The following ZFHX3 variants were observed in gnomAD, a reference collection of about 807,000 sequenced individuals.
The protein encoded by ZFHX3 is zinc finger homeobox 3.
A neutral mutation model predicts 279.1 loss-of-function variants in ZFHX3; 42 were observed. The observed-to-expected ratio is 0.15, with a 90% CI of 0.12 to 0.19. The LOEUF is 0.19. Ranked by LOEUF, ZFHX3 falls within the 10% of genes least tolerant of loss-of-function variation. The probability of loss-of-function intolerance (pLI) is 1.00; values close to 1 mark genes in which losing one functional copy is unlikely to be tolerated. For missense variants in ZFHX3, 4,981 were observed against 4,754.0 expected (o/e 1.05, Z -1.40); for synonymous variants, 2,293 against 1,957.8 (o/e 1.17, Z -4.52).
chr16:73,509,798 C>G (rs1941257160), intron 2 of ZFHX3, among the ~76,000 whole-genome samples: 1 of 151,094 alleles, frequency 6.6e-6, no homozygotes, highest in South Asian at 2.1e-4. Flanking sequence ...GGGGTTCAAG[C>G]AATTCTCCTG....
intron 5 of ZFHX3, among the ~76,000 whole-genome samples, chr16:72,827,020 A>G (rs763407137): frequency 1.3e-5 from 2 of 152,232 alleles, no homozygotes; most frequent in Non-Finnish European, 2.9e-5. Flanking sequence ...TTAGAGAGGC[A>G]CATATAGAGT....
In ZFHX3 at chr16:73,881,485, C is replaced by CCA. The variant is rs1567438931; in HGVS notation, c.-1608+10165_-1608+10166insTG. Among the ~76,000 whole-genome samples the CCA allele has an allele frequency of 1.3e-4, 10 of 78,384 alleles. 1 individual carries two copies. The highest frequency in any genetic ancestry group is 3.5e-4 in the Non-Finnish European group (10 of 28,522). The allele number at this position is 78,384 out of a possible 152,430, so 51.4% of individuals were successfully genotyped here. On this transcript the variant is annotated intron_variant, in intron 1 of 17. Transcript: ENST00000641206. ...CTCTCTCTCTCTCTCTCTCTGCCCC[C>CCA]CCCCCCCACTCTGCCCATGGTTACT...
intron 7 of ZFHX3, chr16:72,807,931 T>A (rs1410278409): frequency 6.6e-6 from 1 of 152,210 alleles, no homozygotes; most frequent in Non-Finnish European, 1.5e-5. Context: ...TCCTGGAGCA[T>A]GAATGACCGT....
At chr16:73,369,891 G>A (rs937957710) in intron 3 of ZFHX3, among the ~76,000 whole-genome samples, 16 of 151,758 alleles carry the variant, frequency 1.1e-4, no homozygotes, top group Non-Finnish European at 1.8e-4. Context: ...AAGCATATTC[G>A]AAGAGCCAAT....
Position 72,959,175 on chromosome 16 carries a change from G to A in ZFHX3, c.971C>T (p.Ala324Val), listed in dbSNP as rs1961430700. 1 of 1,614,118 alleles carries A rather than the reference G, an allele frequency of 6.2e-7. No homozygotes were observed. The highest frequency in any genetic ancestry group is 1.7e-5 in the Admixed American group (1 of 60,012). Residue 324 changes from alanine (A) to valine (V), a missense_variant, in exon 2 of 10, where the codon GCT becomes GTT. Ala to Val is a moderately conservative substitution (Grantham distance 64). This residue lies in a region of ZFHX3 where 1,068 missense variants were observed against 935.2 expected (regional missense o/e 1.14). Transcript: ENST00000268489. ...RKILSNKNIS[A>V]IIQGIGKDKE... ...GTCTTTGCCGATCCCTTGGATGATA[G>A]CGGAGATGTTCTTATTGCTAAGAAT...
chr16:73,079,555 T>C (rs1965922958), intron 8 of ZFHX3, among the ~76,000 whole-genome samples: 1 of 152,040 alleles, frequency 6.6e-6, no homozygotes, highest in Non-Finnish European at 1.5e-5. Context: ...CCCAGGCTGT[T>C]CTTCAACTCC....
chr16:72,891,601 C>G (rs1211409004), intron 3 of ZFHX3, among the ~76,000 whole-genome samples: 2 of 152,140 alleles, frequency 1.3e-5, no homozygotes, highest in African/African-American at 4.8e-5. Flanking sequence ...AAACACTCCC[C>G]AAAAGCTTAA....
At chr16:73,867,537 C>G (rs1962056980) in intron 1 of ZFHX3, among the ~76,000 whole-genome samples, 1 of 152,188 alleles carries the variant, frequency 6.6e-6, no homozygotes, top group African/African-American at 2.4e-5. Flanking sequence ...ATATTTTAGG[C>G]TTAGTGCTTC....
chr16:73,215,250 A>C (rs551705169), intron 5 of ZFHX3, among the ~76,000 whole-genome samples: 2 of 152,302 alleles, frequency 1.3e-5, no homozygotes, highest in South Asian at 4.1e-4. Context: ...CCAGAACCAC[A>C]GGCCTACTTC....
intron 8 of ZFHX3, among the ~76,000 whole-genome samples, chr16:73,073,279 G>A (rs577048668): frequency 1.3e-5 from 2 of 152,266 alleles, no homozygotes; most frequent in Admixed American, 6.5e-5. Flanking sequence ...CAGTTATTAT[G>A]AGGCTACCTT....
At chr16:72,809,882 T>G in intron 7 of ZFHX3, 1 of 78,714 alleles carries the variant, frequency 1.3e-5, no homozygotes, top group South Asian at 3.2e-4. Flanking sequence ...AGGAAAGGGC[T>G]TTTTTTTTTT....
chr16:72,850,461 TTA>T (rs2037588383), intron 4 of ZFHX3, among the ~76,000 whole-genome samples: 1 of 152,248 alleles, frequency 6.6e-6, no homozygotes, highest in African/African-American at 2.4e-5. Flanking sequence ...TCAACAGCAC[TTA>T]TATCACTGTA....
intron 1 of ZFHX3, among the ~76,000 whole-genome samples, chr16:73,716,834 G>A (rs534217606): frequency 6.6e-5 from 10 of 152,086 alleles, no homozygotes; most frequent in African/African-American, 2.4e-4. Flanking sequence ...ATGCCTCACC[G>A]TCCCTACTCA....
chr16:73,543,588 G>C (rs2143754992), intron 2 of ZFHX3, among the ~76,000 whole-genome samples: 1 of 152,342 alleles, frequency 6.6e-6, no homozygotes, highest in South Asian at 2.1e-4. Context: ...TGATGAGAAA[G>C]TCAAGTGGAG....
intron 1 of ZFHX3, among the ~76,000 whole-genome samples, chr16:73,706,456 CAA>C (rs59244758): frequency 0.06 from 7,794 of 129,716 alleles, 641 homozygotes; most frequent in African/African-American, 0.2. Context: ...AACTCTATCT[CAA>C]AAAAAAAAAA....
chr16:73,334,020 G>A (rs1293730953), intron 3 of ZFHX3, among the ~76,000 whole-genome samples: 1 of 152,118 alleles, frequency 6.6e-6, no homozygotes, highest in African/African-American at 2.4e-5. Flanking sequence ...CACTCACGAA[G>A]GAGGGAGAAT....
At chr16:73,201,909 T>C (rs1421227785) in intron 5 of ZFHX3, among the ~76,000 whole-genome samples, 1 of 152,206 alleles carries the variant, frequency 6.6e-6, no homozygotes, top group Non-Finnish European at 1.5e-5. Context: ...GCTTCCTACA[T>C]ATTGATGAAT....
At chr16:73,447,036 C>T (rs1419626141) in intron 3 of ZFHX3, among the ~76,000 whole-genome samples, 2 of 151,816 alleles carry the variant, frequency 1.3e-5, no homozygotes, top group African/African-American at 2.4e-5. Flanking sequence ...AAAAAATGAG[C>T]CAGGCGTGGT....
chr16:73,510,383 G>A (rs76041511), intron 2 of ZFHX3, among the ~76,000 whole-genome samples: 2 of 151,948 alleles, frequency 1.3e-5, no homozygotes, highest in African/African-American at 4.8e-5. Flanking sequence ...TGTTGAATGA[G>A]TGCCCCAACC....
Sources: gnomAD v4.1 joint callset for allele counts (sites outside exome capture counted in the v4.1 genomes callset) on GRCh38, gnomAD v4.1.1 for gene constraint, gnomAD v4.1.1 regional missense constraint, MANE v1.5 for transcripts, NCBI Gene and HGNC (gene_info 2026-07-23, HGNC 2026-07-21) for gene names.